Variants in WLS observed in about 807,000 individuals in gnomAD.
The protein encoded by WLS is Wnt ligand secretion mediator.
Under a neutral mutation model 62.8 loss-of-function variants are expected in WLS, and 23 were observed. The ratio of observed to expected loss-of-function variants is 0.37; its 90% CI spans 0.26 to 0.52. The LOEUF (loss-of-function observed/expected upper bound fraction) is 0.52. Ranked by LOEUF, WLS falls within the 20% of genes least tolerant of loss-of-function variation. The pLI is 0.92. For synonymous variants in WLS, 246 were observed against 244.1 expected (o/e 1.01, Z -0.07); for missense variants, 615 against 697.3 (o/e 0.88, Z 1.33).
chr1:68,100,137 A>G (rs918397374), intron 11 of WLS, among the ~76,000 whole-genome samples: 1 of 152,252 alleles, frequency 6.6e-6, no homozygotes, highest in Admixed American at 6.5e-5. Flanking sequence ...CTTGACATTC[A>G]TCAATTCTAA....
At chr1:68,137,958 C>T (rs1442536424) in intron 10 of WLS, 25 bp from the exon 11 acceptor site, 4 of 1,612,238 alleles carry the variant, frequency 2.5e-6, no homozygotes, top group Non-Finnish European at 3.4e-6. Context: ...TGGTGATATT[C>T]AATTGAAACA....
chr1:68,166,854 C>G (rs769192868), intron 2 of WLS, among the ~76,000 whole-genome samples: 1 of 152,170 alleles, frequency 6.6e-6, no homozygotes, highest in Non-Finnish European at 1.5e-5. Flanking sequence ...GACGCCATAA[C>G]TCAGAAAGCC....
chr1:68,098,797 T>A (rs533789670), intron 11 of WLS: 5 of 1,589,022 alleles, frequency 3.1e-6, no homozygotes, highest in African/African-American at 1.4e-5. Context: ...AATATCCTTT[T>A]AAAAAAATAT....
At chr1:68,149,457 A>C (rs1306415774) in intron 6 of WLS, among the ~76,000 whole-genome samples, 2 of 152,180 alleles carry the variant, frequency 1.3e-5, no homozygotes, top group Non-Finnish European at 2.9e-5. Context: ...GCTCTCCTGG[A>C]AGGGCAGCAG....
intron 11 of WLS, among the ~76,000 whole-genome samples, chr1:68,099,368 C>T (rs1205701366): frequency 1.3e-5 from 2 of 152,138 alleles, no homozygotes; most frequent in East Asian, 3.8e-4. Flanking sequence ...AACGCACACT[C>T]CCAGGGCTTG....
chr1:68,114,033 C>T (rs937433086), intron 11 of WLS, among the ~76,000 whole-genome samples: 1 of 152,228 alleles, frequency 6.6e-6, no homozygotes, highest in Admixed American at 6.5e-5. Flanking sequence ...GAACCAGCAT[C>T]CTGTGAAACA....
chr1:68,164,537 C>T (rs1395101310), intron 2 of WLS, among the ~76,000 whole-genome samples: 2 of 151,980 alleles, frequency 1.3e-5, no homozygotes, highest in South Asian at 2.1e-4. Flanking sequence ...GGATCACAGG[C>T]GTGAACCACT....
At chr1:68,217,557 C>A (rs1454310999) in intron 1 of WLS, among the ~76,000 whole-genome samples, 1 of 152,182 alleles carries the variant, frequency 6.6e-6, no homozygotes, top group Non-Finnish European at 1.5e-5. Context: ...AGATTATGGA[C>A]AAAGCCATAA....
intron 11 of WLS, chr1:68,126,975 G>A (rs1646440344): frequency 3.8e-6 from 1 of 263,550 alleles, no homozygotes. Flanking sequence ...AGGACTGCTT[G>A]TGGCCAGGAG....
At chr1:68,159,273 A>G in intron 2 of WLS, 26 bp from the exon 3 acceptor site, 1 of 1,603,356 alleles carries the variant, frequency 6.2e-7, no homozygotes, top group South Asian at 1.1e-5. Flanking sequence ...TGCACGTTTC[A>G]GAAATGACTT....
At chr1:68,142,394 C>T (rs1646698251) in intron 10 of WLS, among the ~76,000 whole-genome samples, 1 of 152,216 alleles carries the variant, frequency 6.6e-6, no homozygotes, top group Non-Finnish European at 1.5e-5. Flanking sequence ...AGGAAGTGCT[C>T]TGTGCCCTCT....
At chr1:68,187,782 C>CAA (rs145333147) in intron 2 of WLS, among the ~76,000 whole-genome samples, 17 of 147,212 alleles carry the variant, frequency 1.2e-4, no homozygotes, top group Admixed American at 2.0e-4. Flanking sequence ...TAGAAACTGG[C>CAA]AAAAAAAAAA....
intron 9 of WLS, 75 bp from the exon 10 acceptor site, chr1:68,144,727 G>A (rs1414339963): frequency 1.6e-6 from 2 of 1,246,762 alleles, no homozygotes; most frequent in East Asian, 2.4e-5. Context: ...TCTATAAAAA[G>A]CTTAATTTTA....
intron 11 of WLS, among the ~76,000 whole-genome samples, chr1:68,118,672 G>A (rs375036141): frequency 6.6e-6 from 1 of 151,694 alleles, no homozygotes; most frequent in East Asian, 1.9e-4. Flanking sequence ...TCAGGAGTTC[G>A]AGACCAGCCT....
chr1:68,142,356 C>T (rs1395440921), intron 10 of WLS, among the ~76,000 whole-genome samples: 1 of 152,200 alleles, frequency 6.6e-6, no homozygotes, highest in African/African-American at 2.4e-5. Flanking sequence ...ATGCCTCAAC[C>T]CATCTTCCTT....
At chr1:68,145,737 G>A (rs1646744199) in intron 9 of WLS, 132 bp downstream of exon 9, 1 of 1,446,972 alleles carries the variant, frequency 6.9e-7, no homozygotes, top group Non-Finnish European at 9.2e-7. Context: ...TTTGCCCAGA[G>A]ATCCTACATG....
At chr1:68,231,573 G>A in intron 1 of WLS, 1 of 257,670 alleles carries the variant, frequency 3.9e-6, no homozygotes, top group South Asian at 3.4e-5. Flanking sequence ...CAACCTCCCG[G>A]CCGACAATTC....
At chr1:68,187,005 A>G (rs141083681) in intron 2 of WLS, among the ~76,000 whole-genome samples, 5,623 of 151,638 alleles carry the variant, frequency 0.037, 337 homozygotes, top group African/African-American at 0.13. Context: ...AGGTCAGGAG[A>G]TCGAGACCAT....
chr1:68,105,274 C>T lies in WLS; in HGVS notation c.1511-6521G>A, dbSNP rs540895200. On this transcript the variant is annotated intron_variant, in intron 11 of 11. Transcript: ENST00000354777. ...AACAATGCAAGATTTTGGAAAAAGA[C>T]ATCTAACCTGAGTGCTTATACTTTG... Among the ~76,000 whole-genome samples the T allele has an allele frequency of 4.6e-4, 70 of 152,290 alleles. 1 individual carries two copies. In the South Asian group the frequency reaches 0.014, roughly 31 times the overall value.
Sources: allele counts gnomAD v4.1 joint callset (sites outside exome capture counted in the v4.1 genomes callset), GRCh38; gene constraint gnomAD v4.1.1; transcripts MANE v1.5; gene names NCBI Gene and HGNC (gene_info 2026-07-23, HGNC 2026-07-21).